Variants in FKBP14 observed in about 807,000 individuals in gnomAD.
The protein encoded by FKBP14 is FKBP prolyl isomerase 14.
Under a neutral mutation model 21.6 loss-of-function variants are expected in FKBP14, and 20 were observed. The observed-to-expected ratio is 0.92, with a 90% CI of 0.65 to 1.34. The LOEUF (loss-of-function observed/expected upper bound fraction) is 1.34, where lower values mean the gene tolerates loss of function less well. Among genes scored for constraint, FKBP14 ranks in the 40% most tolerant of loss-of-function variants. FKBP14 has a pLI of 0.00. For synonymous variants in FKBP14, 79 were observed against 86.7 expected (o/e 0.91, Z 0.49); for missense variants, 253 against 249.0 (o/e 1.02, Z -0.11).
In FKBP14 at chr7:30,013,066, G is replaced by A. The variant is rs907777187; in HGVS notation, c.*1669C>T. 1 of 152,012 alleles carries A rather than the reference G, an allele frequency of 6.6e-6. No homozygotes were observed. Among genetic ancestry groups the A allele is most frequent in the Non-Finnish European group, 1.5e-5 (1 of 68,008 alleles). 9.4% of individuals were successfully genotyped at this position (152,012 alleles called of 1,614,324 possible). On this transcript the variant is annotated 3_prime_UTR_variant, in exon 4 of 4. Coordinates refer to ENST00000222803, the MANE Select transcript of FKBP14 (RefSeq NM_017946.4). The stretch of plus-strand genomic sequence containing the variant: ...TTTATGACTCAGAGCCATGAAAAGC[G>A]AAGATAATAATGCACTTAATATCAT...
intron 2 of FKBP14, chr7:30,022,382 A>C: frequency 4.6e-6 from 1 of 216,186 alleles, no homozygotes; most frequent in Non-Finnish European, 9.0e-6. Flanking sequence ...GAAAAATTTT[A>C]TGTATATTTT....
intron 2 of FKBP14, chr7:30,020,288 A>C (rs1362036501): frequency 3.1e-6 from 4 of 1,282,382 alleles, no homozygotes; most frequent in Non-Finnish European, 3.1e-6. Context: ...AGAGGCATGC[A>C]AGCATGTACT....
At chr7:30,024,761 A>G (rs766113691) in intron 1 of FKBP14, among the ~76,000 whole-genome samples, 4 of 152,250 alleles carry the variant, frequency 2.6e-5, no homozygotes, top group Non-Finnish European at 5.9e-5. Context: ...TGGAGGCTGC[A>G]TGATAACAGT....
At chr7:30,021,870 A>G (rs1221841243) in intron 2 of FKBP14, among the ~76,000 whole-genome samples, 2 of 152,078 alleles carry the variant, frequency 1.3e-5, no homozygotes, top group Non-Finnish European at 2.9e-5. Context: ...CTCTTGATAT[A>G]TATCACAAAG....
chr7:30,011,922 T>C lies in FKBP14; in HGVS notation c.*2813A>G, dbSNP rs1163808322. On this transcript the variant is annotated 3_prime_UTR_variant, in exon 4 of 4. Transcript: ENST00000222803. ...TTGTAGTATCTTTTCTGTGTTTAGA[T>C]GTTTGAATAAACAGACACTTGCCAT... 2 of 152,204 alleles carry C rather than the reference T, an allele frequency of 1.3e-5. No homozygotes were observed. The highest frequency in any genetic ancestry group is 2.4e-5 in the African/African-American group (1 of 41,442). 9.4% of individuals were successfully genotyped at this position (152,204 alleles called of 1,614,324 possible).
chr7:30,018,154 C>T (rs910823708), intron 3 of FKBP14, among the ~76,000 whole-genome samples: 4 of 152,170 alleles, frequency 2.6e-5, no homozygotes, highest in Admixed American at 6.5e-5. Context: ...ACTGGTAATA[C>T]TATGAGGTGT....
intron 3 of FKBP14, among the ~76,000 whole-genome samples, chr7:30,015,249 A>C (rs1789850549): frequency 6.6e-6 from 1 of 151,748 alleles, no homozygotes; most frequent in African/African-American, 2.4e-5. Context: ...GCCCATCTCC[A>C]CTAAAAATAC....
rs1457084637 is a variant in FKBP14 at position 30,014,488 on chromosome 7, A to G, written c.*247T>C. ...GTGAGAAAGTAAAACAAAGCTTCAT[A>G]TCTGTGAAAGTGAAAAATTGTCCAG... On this transcript the variant is annotated 3_prime_UTR_variant, in exon 4 of 4. Transcript: ENST00000222803. 1 of 261,908 alleles carries G rather than the reference A, an allele frequency of 3.8e-6. No homozygotes were observed. Among genetic ancestry groups the G allele is most frequent in the Non-Finnish European group, 7.1e-6 (1 of 140,858 alleles). 16.2% of individuals were successfully genotyped at this position (261,908 alleles called of 1,614,324 possible). A position where few individuals can be genotyped will look rare whatever the true frequency, so the allele number is the denominator to read the frequency against.
At position 30,019,066 on chromosome 7, in the gene FKBP14, T is replaced by C. The variant is rs778680083; in HGVS notation, c.407A>G (p.Asn136Ser). Residue 136 changes from asparagine to serine, a missense_variant, in exon 3 of 4, where the codon AAT becomes AGT. Coordinates refer to ENST00000222803, the MANE Select transcript of FKBP14 (RefSeq NM_017946.4). ...IFNIDLLEIR[N>S]GPRSHESFQE... ...GAATGATTCATGGGATCTTGGTCCA[T>C]TTCGAATCTCCAGGAGATCAATATT... 5.6e-6 allele frequency: 9 copies of C among 1,596,624 alleles called. No individual in the cohort carries two copies. In the South Asian group the frequency reaches 9.2e-5, roughly 16 times the overall value.
intron 2 of FKBP14, chr7:30,020,406 C>T (rs879710074): frequency 4.7e-5 from 23 of 484,362 alleles, no homozygotes; most frequent in Non-Finnish European, 6.3e-5. Flanking sequence ...GTGAAGTAAA[C>T]TTGAGTTAAA....
chr7:30,017,705 A>G, intron 3 of FKBP14, among the ~76,000 whole-genome samples: 1 of 152,246 alleles, frequency 6.6e-6, no homozygotes, highest in Non-Finnish European at 1.5e-5. Context: ...CACCTCACCC[A>G]GCTAAGACTT....
Position 30,013,713 on chromosome 7 carries a change from C to T in FKBP14, c.*1022G>A, listed in dbSNP as rs1402058661. 1 of 152,050 alleles carries T rather than the reference C, an allele frequency of 6.6e-6. No homozygotes were observed. The highest frequency in any genetic ancestry group is 1.9e-4 in the East Asian group (1 of 5,186). 9.4% of individuals were successfully genotyped at this position (152,050 alleles called of 1,614,324 possible). On this transcript the variant is annotated 3_prime_UTR_variant, in exon 4 of 4. Transcript: ENST00000222803. ...AAGTAAATATTGAATATAAATATAA[C>T]TTTCTACCTCATCTATAACATATTG...
rs542254849 is a variant in FKBP14 at position 30,014,872 on chromosome 7, CCTT to C, written c.496_498del (p.Lys166del). 2,165 of 1,594,244 alleles carry C rather than the reference CCTT, an allele frequency of 1.4e-3. 7 individuals carry two copies. Among genetic ancestry groups the C allele is most frequent in the South Asian group, 1.8e-3 (156 of 86,552 alleles). ...ACCACCGCACCATGTTTTTCAAACT[CCTT>C]CTTTAAATATGCTTTAACCTACAAA... is the stretch of plus-strand genomic sequence containing the variant. On this transcript the variant is annotated inframe_deletion, in exon 4 of 4. Transcript: ENST00000222803.
chr7:30,008,128 T>C (rs1583718937), downstream of FKBP14: 1 of 152,290 alleles, frequency 6.6e-6, no homozygotes, highest in Middle Eastern at 3.4e-3. Context: ...ATCTGCACTT[T>C]TAATACACCC....
At chr7:30,006,447 T>C (rs562182736), downstream of FKBP14, among the ~76,000 whole-genome samples, 35 of 152,156 alleles carry the variant, frequency 2.3e-4, no homozygotes, top group East Asian at 6.6e-3. Context: ...TTTTTTTTTT[T>C]TCTCCTAAAT....
At chr7:30,008,222 CT>C (rs2127944032), downstream of FKBP14, 1 of 152,334 alleles carries the variant, frequency 6.6e-6, no homozygotes, top group African/African-American at 2.4e-5. Flanking sequence ...TCTCATTTTA[CT>C]TCAGGACGGA....
chr7:30,014,780 C>A lies in FKBP14; in HGVS notation c.591G>T (p.Gly197=). The A allele has an allele frequency of 6.2e-7, 1 of 1,610,568 alleles. No individual in the cohort carries two copies. Among genetic ancestry groups the A allele is most frequent in the Non-Finnish European group, 8.5e-7 (1 of 1,178,858 alleles). The change falls in exon 4 of 4, where the codon GGG becomes GGT. Residue 197 remains glycine (G), a synonymous_variant. Coordinates refer to ENST00000222803, the MANE Select transcript of FKBP14 (RefSeq NM_017946.4). ...ATGTAAATTCTCTGGCAGATATAAA[C>A]CCATCTTTGTCTTCATCTTCTTTAT... The part of the protein sequence containing the change: ...IFDKEDEDKD[G]FISAREFTYK...
At position 30,022,650 on chromosome 7, in the gene FKBP14, C is replaced by T. The variant is rs201366617; in HGVS notation, c.349+15G>A. On this transcript the variant is annotated intron_variant, in intron 2 of 3. Transcript: ENST00000222803. Reference sequence around the variant, plus strand: ...CTCTAGTGCTATAGTAAGAAAAATACAGAAATACTATTACCTTTTCCTTCT... The same window carrying T: ...CTCTAGTGCTATAGTAAGAAAAATATAGAAATACTATTACCTTTTCCTTCT... 319 of 1,604,926 alleles carry T rather than the reference C, an allele frequency of 2.0e-4. No individual in the cohort carries two copies. The East Asian group carries it at 6.6e-3, about 33-fold the overall frequency.
rs1360519608 is a variant in FKBP14 at position 30,014,794 on chromosome 7, C to T, written c.577G>A (p.Glu193Lys). The T allele has an allele frequency of 2.5e-6, 4 of 1,611,356 alleles. No individual in the cohort carries two copies. The highest frequency in any genetic ancestry group is 3.4e-6 in the Non-Finnish European group (4 of 1,179,180). Reference sequence around the variant, plus strand: ...GCAGATATAAACCCATCTTTGTCTTCATCTTCTTTATCAAAAATATCCTCC... The same window carrying T: ...GCAGATATAAACCCATCTTTGTCTTTATCTTCTTTATCAAAAATATCCTCC... ...LVEDIFDKED[E>K]DKDGFISARE... Residue 193 changes from glutamate to lysine, a missense_variant, in exon 4 of 4, where the codon GAA (glutamate) becomes AAA (lysine). Coordinates refer to ENST00000222803, the MANE Select transcript of FKBP14 (RefSeq NM_017946.4).
Sources: gnomAD v4.1 joint callset for allele counts (sites outside exome capture counted in the v4.1 genomes callset) on GRCh38, gnomAD v4.1.1 for gene constraint, MANE v1.5 for transcripts, NCBI Gene and HGNC (gene_info 2026-07-23, HGNC 2026-07-21) for gene names.